SGPL1: variants seen among roughly 807,000 people sequenced by gnomAD.
The protein encoded by SGPL1 is SP-lyase 1.
SGPL1 carries 37 observed loss-of-function variants against 68.9 expected under a neutral mutation model. The ratio of observed to expected loss-of-function variants is 0.54; its 90% CI spans 0.41 to 0.71. The LOEUF (loss-of-function observed/expected upper bound fraction) is 0.71, where lower values mean the gene tolerates loss of function less well. Ranked by LOEUF, SGPL1 falls within the 30% of genes least tolerant of loss-of-function variation. The pLI, the probability that SGPL1 is intolerant of heterozygous loss-of-function variation, is 0.00. For missense variants in SGPL1, 551 were observed against 704.6 expected (o/e 0.78, Z 2.47); for synonymous variants, 236 against 248.5 (o/e 0.95, Z 0.47).
intron 9 of SGPL1, 29 bp from the exon 10 acceptor site, chr10:70,871,019 T>C: frequency 6.3e-7 from 1 of 1,579,624 alleles, no homozygotes; most frequent in East Asian, 2.2e-5. Context: ...ACATAGATTC[T>C]CATTTTCCTT....
In SGPL1 at chr10:70,877,404, T is replaced by TG. The variant is rs751439714; in HGVS notation, c.*70dup. The TG allele has an allele frequency of 6.6e-7, 1 of 1,506,192 alleles. No individual in the cohort carries two copies. Among genetic ancestry groups the TG allele is most frequent in the Non-Finnish European group, 9.2e-7 (1 of 1,085,704 alleles). 93.3% of individuals were successfully genotyped at this position (1,506,192 alleles called of 1,614,324 possible). A position where few individuals can be genotyped will look rare whatever the true frequency, so the allele number is the denominator to read the frequency against. ...GGTTCTTGGGATATGGAACAGGCCG[T>TG]GCACAACTTTGACATCTGGTCTTGC... On this transcript the variant is annotated 3_prime_UTR_variant, in exon 15 of 15. Transcript: ENST00000373202.
At chr10:70,834,735 T>C (rs1589452190) in intron 2 of SGPL1, among the ~76,000 whole-genome samples, 1 of 152,220 alleles carries the variant, frequency 6.6e-6, no homozygotes, top group East Asian at 1.9e-4. Flanking sequence ...GCCTTTCCTT[T>C]GGCTCTTGGA....
At chr10:70,828,633 G>A (rs776205682) in intron 2 of SGPL1, among the ~76,000 whole-genome samples, 50 of 152,116 alleles carry the variant, frequency 3.3e-4, no homozygotes, top group Non-Finnish European at 6.5e-4. Context: ...AGTTCTTTTT[G>A]AGTATGAAAA....
chr10:70,867,416 AG>A (rs532191129), intron 7 of SGPL1, among the ~76,000 whole-genome samples: 9 of 152,148 alleles, frequency 5.9e-5, no homozygotes, highest in Non-Finnish European at 1.2e-4. Context: ...TACAAAAATT[AG>A]GTGGGCATGG....
intron 7 of SGPL1, among the ~76,000 whole-genome samples, chr10:70,867,597 G>A (rs983195510): frequency 2.6e-5 from 4 of 151,952 alleles, no homozygotes; most frequent in African/African-American, 7.3e-5. Flanking sequence ...GGTTTGTTAG[G>A]TGTCAGCCAC....
intron 7 of SGPL1, 57 bp from the exon 8 acceptor site, chr10:70,868,288 T>C: frequency 2.4e-6 from 3 of 1,226,770 alleles, no homozygotes; most frequent in Non-Finnish European, 3.5e-6. Context: ...GATCAGGGCA[T>C]GAAGAGCCGG....
chr10:70,868,028 C>G (rs922716502), intron 7 of SGPL1, among the ~76,000 whole-genome samples: 1 of 152,142 alleles, frequency 6.6e-6, no homozygotes, highest in African/African-American at 2.4e-5. Context: ...ATAAAATGCC[C>G]TATCTTATCT....
Position 70,844,618 on chromosome 10 carries a change from A to C in SGPL1, c.173A>C (p.Glu58Ala), listed in dbSNP as rs1230748868. ...ACCCTGCTGATAGTCTGGGGATATG[A>C]GTTTGTCTTCCAGCCAGAGAGTAAG... ...VWTLLIVWGY[E>A]FVFQPESLWS... The change falls in exon 3 of 15, where the codon GAG (glutamate) becomes GCG (alanine). Residue 58 changes from glutamate (E) to alanine (A), a missense_variant. Physicochemically the swap from Glu to Ala is moderately radical, Grantham distance 107. Coordinates refer to ENST00000373202, the MANE Select transcript of SGPL1 (RefSeq NM_003901.4). 6.2e-7 allele frequency: 1 copy of C among 1,614,030 alleles called. No homozygotes were observed. The highest frequency in any genetic ancestry group is 1.1e-5 in the South Asian group (1 of 91,072).
intron 5 of SGPL1, among the ~76,000 whole-genome samples, chr10:70,855,995 C>T (rs950395456): frequency 3.3e-5 from 5 of 151,874 alleles, no homozygotes; most frequent in African/African-American, 1.2e-4. Context: ...TGACAAATAC[C>T]CTTATTTTTT....
chr10:70,838,865 G>T (rs79024079), intron 2 of SGPL1, among the ~76,000 whole-genome samples: 10,643 of 152,230 alleles, frequency 0.07, 486 homozygotes, highest in African/African-American at 0.1. Flanking sequence ...TGTTGTAAAA[G>T]ACATTTCTTT....
At chr10:70,850,861 C>T (rs546965212) in intron 3 of SGPL1, among the ~76,000 whole-genome samples, 43 of 135,526 alleles carry the variant, frequency 3.2e-4, no homozygotes, top group African/African-American at 1.2e-3. Flanking sequence ...CATAAGGAAA[C>T]TCAGGGGGGT....
chr10:70,836,741 CTTTT>C (rs1435659766), intron 2 of SGPL1, among the ~76,000 whole-genome samples: 7 of 151,152 alleles, frequency 4.6e-5, no homozygotes, highest in African/African-American at 1.7e-4. Context: ...ATGCCTACTG[CTTTT>C]TTGTTTGTTT....
At chr10:70,838,335 A>C (rs1845661112) in intron 2 of SGPL1, among the ~76,000 whole-genome samples, 1 of 152,210 alleles carries the variant, frequency 6.6e-6, no homozygotes, top group Non-Finnish European at 1.5e-5. Flanking sequence ...ACCAGTTCGT[A>C]AGATTTTTTT....
intron 12 of SGPL1, 63 bp downstream of exon 12, chr10:70,873,652 C>A: frequency 8.1e-7 from 1 of 1,233,348 alleles, no homozygotes; most frequent in Non-Finnish European, 1.2e-6. Flanking sequence ...AGGCTCAAGG[C>A]ACCTGCCTGG....
At chr10:70,829,362 A>G (rs1376661401) in intron 2 of SGPL1, among the ~76,000 whole-genome samples, 1 of 152,228 alleles carries the variant, frequency 6.6e-6, no homozygotes, top group African/African-American at 2.4e-5. Context: ...CAACATAGGC[A>G]TGGGAATCAA....
At chr10:70,867,246 TAC>T (rs1688901319) in intron 7 of SGPL1, among the ~76,000 whole-genome samples, 1 of 152,168 alleles carries the variant, frequency 6.6e-6, no homozygotes, top group South Asian at 2.1e-4. Flanking sequence ...GGTCAAGGTT[TAC>T]TGAGAGTCAA....
chr10:70,818,295 T>G (rs1042005206), intron 2 of SGPL1, among the ~76,000 whole-genome samples: 3 of 152,042 alleles, frequency 2.0e-5, no homozygotes, highest in African/African-American at 4.8e-5. Context: ...TAATTTTTGT[T>G]TTTTAATAGA....
chr10:70,839,884 G>C (rs1381886326), intron 2 of SGPL1, among the ~76,000 whole-genome samples: 1 of 150,892 alleles, frequency 6.6e-6, no homozygotes, highest in African/African-American at 2.4e-5. Flanking sequence ...ATATACTAAT[G>C]ATAGCTGATG....
chr10:70,831,353 A>G (rs1845532791), intron 2 of SGPL1, among the ~76,000 whole-genome samples: 1 of 152,096 alleles, frequency 6.6e-6, no homozygotes, highest in Non-Finnish European at 1.5e-5. Context: ...TGGAGATAGC[A>G]TCAGATCTAT....
Sources: allele counts gnomAD v4.1 joint callset (sites outside exome capture counted in the v4.1 genomes callset), GRCh38; gene constraint gnomAD v4.1.1; transcripts MANE v1.5; gene names NCBI Gene and HGNC (gene_info 2026-07-23, HGNC 2026-07-21).